ACAA2: variants seen among roughly 807,000 people sequenced by gnomAD.
ACAA2 encodes the protein 3-ketoacyl-CoA thiolase, mitochondrial.
In ACAA2, 35 loss-of-function variants were observed where a neutral mutation model predicts 44.8. The observed-to-expected ratio is 0.78, with a 90% CI of 0.60 to 1.04. The LOEUF is 1.04. Among genes scored for constraint, ACAA2 ranks in the 50% least tolerant of loss-of-function variants. The pLI is 0.00. For synonymous variants in ACAA2, 142 were observed against 166.5 expected (o/e 0.85, Z 1.13); for missense variants, 468 against 482.6 (o/e 0.97, Z 0.28).
At chr18:49,788,208 G>A (rs2023356148) in intron 7 of ACAA2, among the ~76,000 whole-genome samples, 1 of 152,152 alleles carries the variant, frequency 6.6e-6, no homozygotes, top group Admixed American at 6.5e-5. Context: ...AATTTGGGTA[G>A]AGAAGATTAT....
chr18:49,792,483 C>T (rs532335389), intron 5 of ACAA2, among the ~76,000 whole-genome samples, 156 bp from the exon 6 acceptor site: 60 of 152,274 alleles, frequency 3.9e-4, no homozygotes, highest in Non-Finnish European at 7.1e-4. Flanking sequence ...CTCACATTGT[C>T]GCCTGGGCTG....
chr18:49,787,558 C>T (rs914457963), intron 7 of ACAA2, among the ~76,000 whole-genome samples, 197 bp from the exon 8 acceptor site: 3 of 151,972 alleles, frequency 2.0e-5, no homozygotes, highest in Non-Finnish European at 4.4e-5. Context: ...GGCATGGTGG[C>T]TCATGCCTGT....
At chr18:49,789,177 C>T (rs960890144) in intron 7 of ACAA2, among the ~76,000 whole-genome samples, 4 of 152,074 alleles carry the variant, frequency 2.6e-5, no homozygotes, top group Non-Finnish European at 5.9e-5. Context: ...CAAGTCATGG[C>T]TTTCCCCGTT....
At chr18:49,799,657 C>T (rs538200476) in intron 2 of ACAA2, among the ~76,000 whole-genome samples, 232 of 152,028 alleles carry the variant, frequency 1.5e-3, no homozygotes, top group African/African-American at 5.4e-3. Flanking sequence ...AAGTGAGGAG[C>T]GTCTCTGCCT....
At chr18:49,786,821 T>C (rs1405310663) in intron 8 of ACAA2, among the ~76,000 whole-genome samples, 4 of 152,150 alleles carry the variant, frequency 2.6e-5, no homozygotes, top group Admixed American at 2.6e-4. Flanking sequence ...GATAGGTGCA[T>C]CCCAAATCAA....
chr18:49,796,269 T>C (rs1005169433), intron 3 of ACAA2, among the ~76,000 whole-genome samples: 1 of 152,212 alleles, frequency 6.6e-6, no homozygotes, highest in African/African-American at 2.4e-5. Context: ...AATGGATGTA[T>C]CTGAACAAGA....
intron 1 of ACAA2, among the ~76,000 whole-genome samples, chr18:49,812,326 A>G (rs562398087): frequency 6.6e-6 from 1 of 152,054 alleles, no homozygotes; most frequent in African/African-American, 2.4e-5. Flanking sequence ...TCTGCCTAAA[A>G]CTGAATTCTC....
intron 5 of ACAA2, among the ~76,000 whole-genome samples, chr18:49,792,773 T>G (rs35793799): frequency 0.13 from 19,688 of 152,054 alleles, 1,517 homozygotes; most frequent in East Asian, 0.27. Context: ...CTTACACAAC[T>G]TACCTTCCGT....
chr18:49,799,672 A>G (rs1453383319), intron 2 of ACAA2, among the ~76,000 whole-genome samples: 3 of 144,800 alleles, frequency 2.1e-5, no homozygotes, highest in African/African-American at 5.2e-5. Context: ...CTGCCTGGCC[A>G]CCCATCGTCT....
chr18:49,786,971 T>G (rs1039523542), intron 8 of ACAA2, among the ~76,000 whole-genome samples: 2 of 152,182 alleles, frequency 1.3e-5, no homozygotes, highest in Admixed American at 6.5e-5. Context: ...TTTTTCACTT[T>G]AATATTCAAC....
In ACAA2 at chr18:49,792,220, G is replaced by C. The variant is rs1454412914; in HGVS notation, c.685C>G (p.Leu229Val). Residue 229 changes from leucine to valine, a missense_variant, in exon 6 of 10, where the codon CTG (leucine) becomes GTG (valine). Leu to Val is a conservative substitution (Grantham distance 32). Coordinates refer to ENST00000285093, the MANE Select transcript of ACAA2 (RefSeq NM_006111.3). ...VDEHARPQTTLEQLQKLPPVF... is the reference protein window; with the variant it reads ...VDEHARPQTTVEQLQKLPPVF... ...GGAGGAAGTTTCTGTAACTGTTCCA[G>C]GGTGGTTTGGGGCCGAGCATGCTCG... 1 of 1,614,092 alleles carries C rather than the reference G, an allele frequency of 6.2e-7. No individual in the cohort carries two copies. Among genetic ancestry groups the C allele is most frequent in the African/African-American group, 1.3e-5 (1 of 75,062 alleles).
At chr18:49,791,709 T>A in intron 6 of ACAA2, 110 bp from the exon 7 acceptor site, 2 of 1,100,398 alleles carry the variant, frequency 1.8e-6, no homozygotes, top group Middle Eastern at 2.8e-4. Context: ...AGGAAGCCAG[T>A]GCACAGTGTG....
At position 49,802,766 on chromosome 18, in the gene ACAA2, A is replaced by C. The variant is rs757734216; in HGVS notation, c.104T>G (p.Phe35Cys). 6.2e-7 allele frequency: 1 copy of C among 1,614,036 alleles called. No homozygotes were observed. The highest frequency in any genetic ancestry group is 1.3e-5 in the African/African-American group (1 of 74,914). Residue 35 changes from phenylalanine to cysteine, a missense_variant, in exon 2 of 10, where the codon TTT (phenylalanine) becomes TGT (cysteine). Coordinates refer to ENST00000285093, the MANE Select transcript of ACAA2 (RefSeq NM_006111.3). The part of the protein sequence containing the change: ...KDFTATDLSE[F>C]AAKAALSAGK... ...AGCAGACAAGGCAGCCTTGGCAGCAAATTCAGACAAGTCAGTAGCAGTGAA... is the reference window on the plus strand; with the variant it reads ...AGCAGACAAGGCAGCCTTGGCAGCACATTCAGACAAGTCAGTAGCAGTGAA...
chr18:49,799,932 C>T (rs1417407678), intron 2 of ACAA2, among the ~76,000 whole-genome samples: 2 of 150,754 alleles, frequency 1.3e-5, no homozygotes, highest in African/African-American at 4.9e-5. Context: ...TGAGGAGACC[C>T]TCTGCCCGGC....
At chr18:49,800,383 C>T (rs1329083920) in intron 2 of ACAA2, among the ~76,000 whole-genome samples, 3 of 152,120 alleles carry the variant, frequency 2.0e-5, no homozygotes, top group African/African-American at 4.8e-5. Flanking sequence ...GCCACCACCC[C>T]GTCTGGGAGG....
chr18:49,799,302 T>C (rs579729), intron 2 of ACAA2, among the ~76,000 whole-genome samples: 2 of 151,126 alleles, frequency 1.3e-5, no homozygotes, highest in Non-Finnish European at 2.9e-5. Flanking sequence ...CTCGGCTCAC[T>C]GCAACCTCCC....
intron 2 of ACAA2, among the ~76,000 whole-genome samples, chr18:49,800,662 G>A (rs979819978): frequency 2.6e-5 from 4 of 152,194 alleles, no homozygotes; most frequent in Non-Finnish European, 4.4e-5. Context: ...TAAGGGCGGT[G>A]CAAGATGTGC....
At chr18:49,800,204 G>A (rs541966023) in intron 2 of ACAA2, among the ~76,000 whole-genome samples, 343 of 130,148 alleles carry the variant, frequency 2.6e-3, no homozygotes, top group Middle Eastern at 4.1e-3. Context: ...CCGGCCAGCC[G>A]CCCCGTCCGG....
chr18:49,813,202 C>T (rs1366229075), intron 1 of ACAA2, among the ~76,000 whole-genome samples: 2 of 152,368 alleles, frequency 1.3e-5, no homozygotes, highest in East Asian at 1.9e-4. Flanking sequence ...GAATGACCTC[C>T]AAGGTCACAT....
Sources: gnomAD v4.1 joint callset for allele counts (sites outside exome capture counted in the v4.1 genomes callset) on GRCh38, gnomAD v4.1.1 for gene constraint, MANE v1.5 for transcripts, NCBI Gene and HGNC (gene_info 2026-07-23, HGNC 2026-07-21) for gene names.